Variants in SLC16A6 observed in about 807,000 individuals in gnomAD.
The protein encoded by SLC16A6 is monocarboxylate transporter 7.
In SLC16A6, 15 loss-of-function variants were observed where a neutral mutation model predicts 33.8. The ratio of observed to expected loss-of-function variants is 0.44; its 90% confidence interval spans 0.30 to 0.68. The LOEUF is 0.68. SLC16A6 is among the 30% of genes least tolerant of loss of function. The pLI, the probability that SLC16A6 is intolerant of heterozygous loss-of-function variation, is 0.10. For missense variants in SLC16A6, 451 were observed against 661.5 expected (o/e 0.68, Z 3.49); for synonymous variants, 219 against 248.4 (o/e 0.88, Z 1.11).
At chr17:68,288,057 T>C (rs1431501211) in intron 1 of SLC16A6, among the ~76,000 whole-genome samples, 2 of 149,082 alleles carry the variant, frequency 1.3e-5, no homozygotes, top group Non-Finnish European at 3.0e-5. Flanking sequence ...AGCACAGTGG[T>C]GCGATCTCAG....
intron 1 of SLC16A6, among the ~76,000 whole-genome samples, chr17:68,286,748 G>T (rs143118544): frequency 6.6e-6 from 1 of 152,084 alleles, no homozygotes; most frequent in South Asian, 2.1e-4. Context: ...CAAGTGATCT[G>T]CCCGCCTTGG....
At chr17:68,273,784 A>G (rs1489874156) in intron 3 of SLC16A6, 143 bp downstream of exon 3, 16 of 1,024,254 alleles carry the variant, frequency 1.6e-5, no homozygotes, top group Non-Finnish European at 2.1e-5. Flanking sequence ...GCTCAGTTCA[A>G]AACTACTGAT....
chr17:68,271,757 A>C lies in SLC16A6; in HGVS notation c.506-103T>G, dbSNP rs2075347252. 3 of 845,594 alleles carry C rather than the reference A, an allele frequency of 3.5e-6. No individual in the cohort carries two copies. Among genetic ancestry groups the C allele is most frequent in the East Asian group, 2.6e-5 (1 of 37,750 alleles). The allele number at this position is 845,594 out of a possible 1,614,324, so 52.4% of individuals were successfully genotyped here. A position where few individuals can be genotyped will look rare whatever the true frequency, so the allele number is the denominator to read the frequency against. On this transcript the variant is annotated intron_variant, in intron 4 of 5. Coordinates refer to ENST00000580666, the MANE Select transcript of SLC16A6 (RefSeq NM_004694.5). The surrounding 1 kb of genome is among the most constrained non-coding windows in gnomAD (Gnocchi z 5.3). ...AAATATGGATCCAGATTTTGTTATA[A>C]GTTCTGTGGAAATTTATTATACTCA...
At chr17:68,270,793 AC>A in intron 5 of SLC16A6, 45 bp downstream of exon 5, 1 of 1,492,364 alleles carries the variant, frequency 6.7e-7, no homozygotes, top group Non-Finnish European at 9.0e-7. Context: ...AGCACAATTC[AC>A]AAGGGAAAGT....
rs543363989 is a variant in SLC16A6 at position 68,284,485 on chromosome 17, C to T, written c.-7-6158G>A. On this transcript the variant is annotated intron_variant, in intron 1 of 5. Transcript: ENST00000580666. ...CAGGTGAATTTTCAGGGTCAGGGTG[C>T]ATTATATCCTTTATATCCTTTTCCT... 1.0e-3 allele frequency among the ~76,000 whole-genome samples: 158 copies of T among 152,216 alleles called. 1 individual carries two copies. The highest frequency in any genetic ancestry group is 3.7e-3 in the African/African-American group (153 of 41,534).
intron 5 of SLC16A6, among the ~76,000 whole-genome samples, chr17:68,269,814 G>C (rs1555747869): frequency 6.6e-6 from 1 of 151,624 alleles, no homozygotes; most frequent in Non-Finnish European, 1.5e-5. Flanking sequence ...GCTGGGATTA[G>C]AGGTGTCTGC....
intron 5 of SLC16A6, 53 bp downstream of exon 5, chr17:68,270,786 A>C (rs2075314408): frequency 6.9e-7 from 1 of 1,456,440 alleles, no homozygotes; most frequent in East Asian, 2.3e-5. Context: ...GGAAGCTAGC[A>C]CAATTCACAA....
chr17:68,290,502 AG>A (rs2075948739), intron 1 of SLC16A6, among the ~76,000 whole-genome samples: 1 of 152,204 alleles, frequency 6.6e-6, no homozygotes, highest in Non-Finnish European at 1.5e-5. Flanking sequence ...CTGACAGTCC[AG>A]GTGGAGGACC....
intron 2 of SLC16A6, among the ~76,000 whole-genome samples, chr17:68,275,963 A>G (rs2075503051): frequency 2.0e-5 from 3 of 151,726 alleles, no homozygotes; most frequent in Admixed American, 6.6e-5. Context: ...AGCCTAGGCA[A>G]CAAAGCGAGA....
chr17:68,289,409 G>A (rs1367152501), intron 1 of SLC16A6, among the ~76,000 whole-genome samples: 1 of 152,174 alleles, frequency 6.6e-6, no homozygotes, highest in Non-Finnish European at 1.5e-5. Context: ...GAAAAAAATT[G>A]TATTATTGTA....
In SLC16A6 at chr17:68,271,214, T is replaced by C; in HGVS notation, c.946A>G (p.Ile316Val). The C allele has an allele frequency of 2.5e-6, 4 of 1,614,046 alleles. No individual in the cohort carries two copies. Among genetic ancestry groups the C allele is most frequent in the Non-Finnish European group, 3.4e-6 (4 of 1,180,022 alleles). The change falls in exon 5 of 6, where the codon ATT becomes GTT. Residue 316 changes from isoleucine (I) to valine (V), a missense_variant. Transcript: ENST00000580666. The surrounding 1 kb of genome is among the most constrained non-coding windows in gnomAD (Gnocchi z 5.3). ...ATGCCCAGACTAATGCCCAGAGGAA[T>C]GATGTACAAGGAAGGTGCAAAGAAT... is the stretch of plus-strand genomic sequence containing the variant. ...LGFFAPSLYI[I>V]PLGISLGIDQ...
chr17:68,276,389 T>A (rs149255751), intron 2 of SLC16A6, among the ~76,000 whole-genome samples: 1 of 152,324 alleles, frequency 6.6e-6, no homozygotes, highest in East Asian at 1.9e-4. Flanking sequence ...AGATAACAGT[T>A]CCATGACAGT....
chr17:68,270,587 ACTACAGACACAG>A (rs1555748149), intron 5 of SLC16A6, among the ~76,000 whole-genome samples: 2 of 150,760 alleles, frequency 1.3e-5, no homozygotes, highest in African/African-American at 4.9e-5. Context: ...GTCAATCTGG[ACTACAGACACAG>A]CTTCCAGTCC....
chr17:68,288,758 T>G (rs2075900121), intron 1 of SLC16A6, among the ~76,000 whole-genome samples: 1 of 152,234 alleles, frequency 6.6e-6, no homozygotes, highest in African/African-American at 2.4e-5. Flanking sequence ...GAAGAGTTGG[T>G]CTTCTTAAAG....
chr17:68,283,962 G>A (rs988355319), intron 1 of SLC16A6, among the ~76,000 whole-genome samples: 1 of 150,668 alleles, frequency 6.6e-6, no homozygotes, highest in African/African-American at 2.4e-5. Context: ...GTAGTAGCAC[G>A]AGCCTGTTAT....
chr17:68,269,282 G>A lies in SLC16A6; in HGVS notation c.1386C>T (p.Ala462=). ...CCAGGGCGAGGCACACAGCAGCCAG[G>A]GCCATGCCAGCTGCGCAGGAGTAGA... ...RAFYSCAAGM[A]LAAVCLALVR... is the part of the protein sequence containing the mutation. The change falls in exon 6 of 6, where the codon GCC becomes GCT. Residue 462 remains alanine (A), a synonymous_variant. Coordinates refer to ENST00000580666, the MANE Select transcript of SLC16A6 (RefSeq NM_004694.5). The A allele has an allele frequency of 1.5e-6, 2 of 1,364,686 alleles. No individual in the cohort carries two copies. Among genetic ancestry groups the A allele is most frequent in the Non-Finnish European group, 2.0e-6 (2 of 999,776 alleles). The allele number at this position is 1,364,686 out of a possible 1,614,324, so 84.5% of individuals were successfully genotyped here.
intron 1 of SLC16A6, among the ~76,000 whole-genome samples, chr17:68,284,145 G>A (rs1298326865): frequency 2.0e-5 from 3 of 148,066 alleles, no homozygotes; most frequent in Non-Finnish European, 4.4e-5. Flanking sequence ...AGTGGCTCAT[G>A]CCTGTAATCC....
rs2075323088 is a variant in SLC16A6 at position 68,271,068 on chromosome 17, G to GATGAGCTCAATGTA, written c.1078_1091dup (p.Cys365ThrfsTer10). On this transcript the variant is annotated frameshift_variant, in exon 5 of 6. Coordinates refer to ENST00000580666, the MANE Select transcript of SLC16A6 (RefSeq NM_004694.5). LOFTEE classifies it high-confidence loss of function. The surrounding 1 kb of genome is among the most constrained non-coding windows in gnomAD (Gnocchi z 5.3). The stretch of plus-strand genomic sequence containing the variant: ...GAGACACAGTCAATAAGATGACGCA[G>GATGAGCTCAATGTA]ATGAGCTCAATGTAAATCTTACGAA... 6.2e-7 allele frequency: 1 copy of GATGAGCTCAATGTA among 1,614,072 alleles called. No individual in the cohort carries two copies. The highest frequency in any genetic ancestry group is 8.5e-7 in the Non-Finnish European group (1 of 1,180,036).
chr17:68,281,066 C>T (rs1463992783), intron 1 of SLC16A6, among the ~76,000 whole-genome samples: 5 of 149,422 alleles, frequency 3.3e-5, no homozygotes, highest in Non-Finnish European at 7.4e-5. Context: ...GTGGAGGTTG[C>T]AGTGAGCTGA....
Sources: allele counts gnomAD v4.1 joint callset (sites outside exome capture counted in the v4.1 genomes callset), GRCh38; gene constraint gnomAD v4.1.1; non-coding constraint Gnocchi (gnomAD v3.1); transcripts MANE v1.5; gene names NCBI Gene and HGNC (gene_info 2026-07-23, HGNC 2026-07-21).